HSPA12A: variants seen among roughly 807,000 people sequenced by gnomAD.
The protein encoded by HSPA12A is heat shock 70 kDa protein 12A.
Under a neutral mutation model 69.2 loss-of-function variants are expected in HSPA12A, and 28 were observed. The ratio of observed to expected loss-of-function variants is 0.40; its 90% CI spans 0.30 to 0.55. The LOEUF is 0.55. HSPA12A is among the 20% of genes least tolerant of loss of function. The pLI is 0.38. For synonymous variants in HSPA12A, 345 were observed against 370.5 expected (o/e 0.93, Z 0.79); for missense variants, 686 against 900.7 (o/e 0.76, Z 3.05).
intron 1 of HSPA12A, among the ~76,000 whole-genome samples, chr10:116,736,720 G>T (rs368269293): frequency 6.6e-6 from 1 of 152,156 alleles, no homozygotes; most frequent in African/African-American, 2.4e-5. Context: ...GTTTGAAAAG[G>T]CAATGAAATG....
At chr10:116,811,629 CCT>C (rs959972182) in intron 2 of HSPA12A, among the ~76,000 whole-genome samples, 16 of 151,806 alleles carry the variant, frequency 1.1e-4, no homozygotes, top group African/African-American at 1.5e-4. Flanking sequence ...GTCCCCATCC[CCT>C]GTCTCCTCTT....
At chr10:116,721,898 G>A (rs958158356) in intron 1 of HSPA12A, among the ~76,000 whole-genome samples, 28 of 152,298 alleles carry the variant, frequency 1.8e-4, no homozygotes, top group African/African-American at 6.5e-4. Context: ...GTGAACACAC[G>A]TGGCCTTCCA....
intron 1 of HSPA12A, among the ~76,000 whole-genome samples, chr10:116,848,638 T>G (rs1845951564): frequency 6.6e-6 from 1 of 152,024 alleles, no homozygotes. Context: ...GCACACTAAG[T>G]TCTGTAATCG....
At chr10:116,783,685 A>G (rs1554892047) in intron 2 of HSPA12A, among the ~76,000 whole-genome samples, 1 of 152,192 alleles carries the variant, frequency 6.6e-6, no homozygotes, top group African/African-American at 2.4e-5. Context: ...AAAAAGAGCA[A>G]GGAACAGAAT....
At position 116,704,745 on chromosome 10, in the gene HSPA12A, C is replaced by T. The variant is rs533647576; in HGVS notation, c.254+406G>A. 2.0e-5 allele frequency among the ~76,000 whole-genome samples: 3 copies of T among 152,172 alleles called. No homozygotes were observed. In the South Asian group the frequency reaches 6.2e-4, roughly 32 times the overall value. On this transcript the variant is annotated intron_variant, in intron 3 of 11. Coordinates refer to ENST00000369209, the MANE Select transcript of HSPA12A (RefSeq NM_025015.3). The stretch of plus-strand genomic sequence containing the variant: ...TTGTGAGGGAGGTATTGTCAGGATT[C>T]CCATTTCACAGATGAGGAAACTGGG...
intron 2 of HSPA12A, among the ~76,000 whole-genome samples, chr10:116,798,259 A>C (rs1489334966): frequency 6.6e-6 from 1 of 152,096 alleles, no homozygotes; most frequent in African/African-American, 2.4e-5. Flanking sequence ...GAAGCCGTCT[A>C]AGATGAGACG....
intron 6 of HSPA12A, among the ~76,000 whole-genome samples, chr10:116,684,996 C>T (rs1044659349): frequency 6.6e-6 from 1 of 152,188 alleles, no homozygotes; most frequent in Non-Finnish European, 1.5e-5. Flanking sequence ...GGAGGCCCCA[C>T]TTGCTTCTGG....
intron 2 of HSPA12A, among the ~76,000 whole-genome samples, chr10:116,794,416 T>A (rs960631980): frequency 6.6e-6 from 1 of 152,124 alleles, no homozygotes; most frequent in Non-Finnish European, 1.5e-5. Context: ...AACATGACTA[T>A]ATATTGGACC....
At chr10:116,849,070 A>G (rs1388767312) in intron 1 of HSPA12A, among the ~76,000 whole-genome samples, 1 of 151,962 alleles carries the variant, frequency 6.6e-6, no homozygotes, top group Non-Finnish European at 1.5e-5. Flanking sequence ...CTCCCCCAAC[A>G]GAGTGGGCCT....
At chr10:116,737,630 A>C (rs1426530696) in intron 1 of HSPA12A, among the ~76,000 whole-genome samples, 1 of 152,206 alleles carries the variant, frequency 6.6e-6, no homozygotes, top group Non-Finnish European at 1.5e-5. Flanking sequence ...CCAGCAAACC[A>C]GGACATATGG....
intron 3 of HSPA12A, among the ~76,000 whole-genome samples, chr10:116,703,581 C>T (rs1554881874): frequency 6.6e-6 from 1 of 152,020 alleles, no homozygotes; most frequent in Non-Finnish European, 1.5e-5. Flanking sequence ...AAATATTAAT[C>T]TAGGAGCAAT....
At chr10:116,762,615 G>A (rs1438600152) in intron 2 of HSPA12A, among the ~76,000 whole-genome samples, 10 of 151,982 alleles carry the variant, frequency 6.6e-5, no homozygotes, top group South Asian at 2.1e-4. Context: ...ACAGAGTTTC[G>A]CTCTGTCACC....
intron 2 of HSPA12A, among the ~76,000 whole-genome samples, chr10:116,805,530 G>A (rs1303405320): frequency 6.6e-6 from 1 of 152,062 alleles, no homozygotes; most frequent in East Asian, 1.9e-4. Flanking sequence ...CAGATTTCAA[G>A]GGAAAATGTA....
intron 1 of HSPA12A, among the ~76,000 whole-genome samples, chr10:116,849,269 C>T (rs1845976694): frequency 6.6e-6 from 1 of 152,206 alleles, no homozygotes; most frequent in Non-Finnish European, 1.5e-5. Context: ...TTAAAGATTT[C>T]CCCCTCTGGA....
intron 2 of HSPA12A, among the ~76,000 whole-genome samples, chr10:116,764,266 C>T (rs558182723): frequency 2.0e-4 from 30 of 152,222 alleles, no homozygotes; most frequent in African/African-American, 7.2e-4. Flanking sequence ...CAAATACAAA[C>T]CAACAATGTG....
In HSPA12A at chr10:116,686,677, G is replaced by A. The variant is rs2132924743; in HGVS notation, c.664-2715C>T. ...GGTGGGCCTGGGCCACGGCAGCAGG[G>A]ACAGGGATGGGAAGGGAGAAAGGGT... On this transcript the variant is annotated intron_variant, in intron 6 of 11. Transcript: ENST00000369209. The surrounding 1 kb of genome is among the most constrained non-coding windows in gnomAD (Gnocchi z 4.1). 6.6e-6 allele frequency among the ~76,000 whole-genome samples: 1 copy of A among 152,220 alleles called. No homozygotes were observed. Among genetic ancestry groups the A allele is most frequent in the South Asian group, 2.1e-4 (1 of 4,822 alleles).
rs1849164975 is a variant in HSPA12A at position 116,674,422 on chromosome 10, T to C, written c.*359A>G. The C allele has an allele frequency of 9.4e-6, 2 of 213,044 alleles. No individual in the cohort carries two copies. Among genetic ancestry groups the C allele is most frequent in the African/African-American group, 4.5e-5 (2 of 44,336 alleles). The allele number at this position is 213,044 out of a possible 1,614,324, so 13.2% of individuals were successfully genotyped here. On this transcript the variant is annotated 3_prime_UTR_variant, in exon 12 of 12. Coordinates refer to ENST00000369209, the MANE Select transcript of HSPA12A (RefSeq NM_025015.3). Reference sequence around the variant, plus strand: ...CATTTTAAATCTAGAAAGACAGCAATAGGGCATCCTAAATTCTACATAACG... The same window carrying C: ...CATTTTAAATCTAGAAAGACAGCAACAGGGCATCCTAAATTCTACATAACG...
chr10:116,717,067 G>A (rs959451380), intron 1 of HSPA12A, among the ~76,000 whole-genome samples: 1 of 152,204 alleles, frequency 6.6e-6, no homozygotes, highest in Non-Finnish European at 1.5e-5. Flanking sequence ...TGTATTTCAT[G>A]CAAGCTAAGA....
At chr10:116,679,227 C>T (rs1849330671) in intron 10 of HSPA12A, among the ~76,000 whole-genome samples, 1 of 152,214 alleles carries the variant, frequency 6.6e-6, no homozygotes, top group Admixed American at 6.5e-5. Context: ...TTTTAGCAAA[C>T]ACATAGATAA....
Sources: gnomAD v4.1 joint callset for allele counts (sites outside exome capture counted in the v4.1 genomes callset) on GRCh38, gnomAD v4.1.1 for gene constraint, Gnocchi (gnomAD v3.1) non-coding constraint, MANE v1.5 for transcripts, NCBI Gene and HGNC (gene_info 2026-07-23, HGNC 2026-07-21) for gene names.